LRMDA: variants seen among roughly 807,000 people sequenced by gnomAD.
LRMDA encodes the protein leucine-rich melanocyte differentiation-associated protein.
In LRMDA, 18 loss-of-function variants were observed where a neutral mutation model predicts 29.8. That is an observed-to-expected ratio of 0.60 (90% confidence interval 0.42 to 0.90). The LOEUF is 0.90. Ranked by LOEUF, LRMDA falls within the 40% of genes least tolerant of loss-of-function variation. LRMDA has a pLI of 0.00. For missense variants in LRMDA, 273 were observed against 273.9 expected, an observed-to-expected ratio of 1.00 and a Z score of 0.02; for synonymous variants, 125 against 109.4, an observed-to-expected ratio of 1.14 and a Z score of -0.89.
At chr10:75,822,800 T>A (rs1283050338) in intron 2 of LRMDA, among the ~76,000 whole-genome samples, 2 of 152,136 alleles carry the variant, frequency 1.3e-5, no homozygotes, top group African/African-American at 4.8e-5. Context: ...GAGCTCAATG[T>A]AGCCTCAAAT....
chr10:75,533,245 A>G (rs1845498684), intron 2 of LRMDA, among the ~76,000 whole-genome samples: 1 of 152,228 alleles, frequency 6.6e-6, no homozygotes, highest in South Asian at 2.1e-4. Flanking sequence ...GTAAAGGCTG[A>G]GATATTAGTA....
chr10:76,238,173 A>T (rs182242257), intron 5 of LRMDA, among the ~76,000 whole-genome samples: 5 of 152,094 alleles, frequency 3.3e-5, no homozygotes, highest in Non-Finnish European at 7.4e-5. Context: ...AGGCCTAATA[A>T]ATAGTCCCCA....
intron 6 of LRMDA, among the ~76,000 whole-genome samples, chr10:76,349,766 G>A (rs1443792757): frequency 6.6e-6 from 1 of 152,074 alleles, no homozygotes; most frequent in Non-Finnish European, 1.5e-5. Flanking sequence ...GTGAATTAAT[G>A]TATCTCTATT....
chr10:75,498,728 T>A (rs536001841), intron 2 of LRMDA, among the ~76,000 whole-genome samples: 52 of 152,120 alleles, frequency 3.4e-4, no homozygotes, highest in African/African-American at 1.0e-3. Flanking sequence ...CCTGCAAATA[T>A]CTGAAGGGTA....
At chr10:76,360,723 T>C (rs1841301301) in intron 6 of LRMDA, among the ~76,000 whole-genome samples, 1 of 152,114 alleles carries the variant, frequency 6.6e-6, no homozygotes, top group African/African-American at 2.4e-5. Flanking sequence ...ACAGGACATA[T>C]TTGGTGGATG....
intron 5 of LRMDA, among the ~76,000 whole-genome samples, chr10:76,224,098 C>G (rs1851903686): frequency 6.6e-6 from 1 of 152,028 alleles, no homozygotes; most frequent in Non-Finnish European, 1.5e-5. Context: ...GTTGCTAAGC[C>G]CTGTCCTAGG....
chr10:75,942,090 C>G (rs1018393800), intron 2 of LRMDA, among the ~76,000 whole-genome samples: 1 of 152,142 alleles, frequency 6.6e-6, no homozygotes, highest in Non-Finnish European at 1.5e-5. Flanking sequence ...GATGGAGGCT[C>G]TCTGGTCTTC....
chr10:76,055,373 T>C (rs2132050764), intron 4 of LRMDA, among the ~76,000 whole-genome samples: 1 of 152,310 alleles, frequency 6.6e-6, no homozygotes, highest in Admixed American at 6.5e-5. Flanking sequence ...ACCTCTAAAC[T>C]ATTCTCTCTG....
intron 2 of LRMDA, among the ~76,000 whole-genome samples, chr10:75,903,731 C>T (rs1845715774): frequency 6.6e-6 from 1 of 152,168 alleles, no homozygotes; most frequent in African/African-American, 2.4e-5. Context: ...ATTGCACCAA[C>T]CAAAAGCTTT....
intron 6 of LRMDA, among the ~76,000 whole-genome samples, chr10:76,496,567 T>C (rs1435000882): frequency 1.3e-5 from 1 of 75,658 alleles, no homozygotes; most frequent in African/African-American, 3.2e-5. Flanking sequence ...CCTGTTAGTT[T>C]ATCTGGTTGG....
chr10:76,368,754 T>C (rs889583372), intron 6 of LRMDA, among the ~76,000 whole-genome samples: 4 of 152,168 alleles, frequency 2.6e-5, no homozygotes, highest in Non-Finnish European at 5.9e-5. Context: ...TTAGGTCTAT[T>C]AGTAATTGTT....
intron 2 of LRMDA, among the ~76,000 whole-genome samples, chr10:76,012,822 G>A (rs1021315360): frequency 2.0e-5 from 3 of 152,078 alleles, no homozygotes; most frequent in Non-Finnish European, 4.4e-5. Context: ...CGCTTCTTTC[G>A]GGATATAAGC....
chr10:75,986,968 G>A (rs1282770525), intron 2 of LRMDA, among the ~76,000 whole-genome samples: 2 of 152,170 alleles, frequency 1.3e-5, no homozygotes, highest in Non-Finnish European at 2.9e-5. Flanking sequence ...GTGAAGAAAT[G>A]CTTTTTCCCT....
chr10:75,913,559 G>A (rs569389498), intron 2 of LRMDA, among the ~76,000 whole-genome samples: 46 of 152,288 alleles, frequency 3.0e-4, no homozygotes, highest in African/African-American at 1.1e-3. Flanking sequence ...CATGCGCCCC[G>A]TGTGCCTGAT....
At position 75,655,773 on chromosome 10, in the gene LRMDA, C is replaced by T. The variant is rs148696882; in HGVS notation, c.131+217279C>T. On this transcript the variant is annotated intron_variant, in intron 2 of 6. Transcript: ENST00000611255. ...CCTGCCCTGAAAGGTTTGGGCCTCG[C>T]GGTGTCTCTGCCTGTCAGATGTTTC... 9.2e-5 allele frequency among the ~76,000 whole-genome samples: 14 copies of T among 152,278 alleles called. No homozygotes were observed. In the East Asian group the frequency reaches 9.7e-4, roughly 11 times the overall value.
intron 6 of LRMDA, among the ~76,000 whole-genome samples, chr10:76,476,248 A>G (rs1372261387): frequency 6.6e-6 from 1 of 152,182 alleles, no homozygotes; most frequent in East Asian, 1.9e-4. Context: ...AATACAAACT[A>G]CTATCAGAGA....
intron 2 of LRMDA, among the ~76,000 whole-genome samples, chr10:75,567,494 C>A (rs1371281113): frequency 6.6e-6 from 1 of 152,198 alleles, no homozygotes; most frequent in Non-Finnish European, 1.5e-5. Flanking sequence ...GCCAAATGAT[C>A]TTCCTTTTTT....
intron 2 of LRMDA, among the ~76,000 whole-genome samples, chr10:75,616,917 C>T (rs550339949): frequency 5.8e-4 from 88 of 152,286 alleles, no homozygotes; most frequent in African/African-American, 2.0e-3. Context: ...TTTGCAGTTT[C>T]AGTGGTTTCA....
At chr10:76,331,022 G>A (rs528492860) in intron 6 of LRMDA, among the ~76,000 whole-genome samples, 1 of 152,294 alleles carries the variant, frequency 6.6e-6, no homozygotes, top group South Asian at 2.1e-4. Flanking sequence ...TGTAATCCCA[G>A]CACTTTGGGA....
Sources: gnomAD v4.1 joint callset for allele counts (sites outside exome capture counted in the v4.1 genomes callset) on GRCh38, gnomAD v4.1.1 for gene constraint, MANE v1.5 for transcripts, NCBI Gene and HGNC (gene_info 2026-07-23, HGNC 2026-07-21) for gene names.